The following SGCZ variants were observed in gnomAD, a reference collection of about 807,000 sequenced individuals.
The protein encoded by SGCZ is sarcoglycan zeta, also known as zeta-sarcoglycan.
A neutral mutation model predicts 41.3 loss-of-function variants in SGCZ; 40 were observed. The observed-to-expected ratio is 0.97, with a 90% CI of 0.75 to 1.26. The LOEUF (loss-of-function observed/expected upper bound fraction) is 1.26. Ranked by LOEUF, SGCZ falls within the 50% of genes most tolerant of loss-of-function variation. SGCZ has a pLI of 0.00. For missense variants in SGCZ, 552 were observed against 369.8 expected (o/e 1.49, Z -4.04); for synonymous variants, 206 against 137.5 (o/e 1.50, Z -3.49).
chr8:14,742,324 C>G (rs1423531117), intron 1 of SGCZ, among the ~76,000 whole-genome samples: 3 of 152,080 alleles, frequency 2.0e-5, no homozygotes, highest in Non-Finnish European at 4.4e-5. Flanking sequence ...CACACACACA[C>G]ACACCTCAGC....
intron 1 of SGCZ, among the ~76,000 whole-genome samples, chr8:14,889,917 G>T (rs1804948348): frequency 6.6e-6 from 1 of 152,100 alleles, no homozygotes; most frequent in Admixed American, 6.6e-5. Context: ...AGCTAGAAAT[G>T]ATTAAGCCTT....
At chr8:14,906,689 G>A (rs969905131) in intron 1 of SGCZ, among the ~76,000 whole-genome samples, 4 of 152,102 alleles carry the variant, frequency 2.6e-5, no homozygotes, top group African/African-American at 7.2e-5. Flanking sequence ...GGATTTACAA[G>A]AATGAAGATC....
At chr8:14,172,119 A>C (rs896579351) in intron 4 of SGCZ, among the ~76,000 whole-genome samples, 18 of 152,172 alleles carry the variant, frequency 1.2e-4, no homozygotes, top group African/African-American at 3.9e-4. Flanking sequence ...ATTTGCATTA[A>C]AGCTCTTATA....
intron 1 of SGCZ, among the ~76,000 whole-genome samples, chr8:14,602,225 C>T (rs978139297): frequency 2.6e-5 from 4 of 152,124 alleles, no homozygotes; most frequent in African/African-American, 7.2e-5. Flanking sequence ...CTAGGTCATA[C>T]AGCTGGGGTT....
At chr8:14,596,669 T>G (rs1040549494) in intron 1 of SGCZ, among the ~76,000 whole-genome samples, 64 of 152,228 alleles carry the variant, frequency 4.2e-4, no homozygotes, top group African/African-American at 1.4e-3. Flanking sequence ...CCAGGGTCTC[T>G]CACGGGGTGG....
intron 1 of SGCZ, among the ~76,000 whole-genome samples, chr8:15,135,470 CAA>C (rs1476403557): frequency 6.6e-6 from 1 of 152,140 alleles, no homozygotes; most frequent in African/African-American, 2.4e-5. Context: ...GTCACCTTGT[CAA>C]AAAGACTCGG....
intron 1 of SGCZ, among the ~76,000 whole-genome samples, chr8:14,665,856 A>G (rs1163744719): frequency 6.6e-6 from 1 of 152,204 alleles, no homozygotes; most frequent in Non-Finnish European, 1.5e-5. Flanking sequence ...AAATTCAAAA[A>G]TGACTATTAA....
intron 1 of SGCZ, among the ~76,000 whole-genome samples, chr8:14,681,576 T>C (rs1180242077): frequency 6.6e-6 from 1 of 152,208 alleles, no homozygotes; most frequent in East Asian, 1.9e-4. Context: ...AAGCTAAAGT[T>C]ATGATGGTCT....
intron 4 of SGCZ, among the ~76,000 whole-genome samples, chr8:14,208,743 A>G (rs1805699877): frequency 6.6e-6 from 1 of 152,200 alleles, no homozygotes; most frequent in Non-Finnish European, 1.5e-5. Flanking sequence ...TGACTTAATA[A>G]TTAAGTGGTA....
intron 3 of SGCZ, among the ~76,000 whole-genome samples, chr8:14,290,764 T>G (rs1800812732): frequency 6.6e-6 from 1 of 152,036 alleles, no homozygotes; most frequent in Non-Finnish European, 1.5e-5. Flanking sequence ...GTACAATTCT[T>G]TTGAAAAACA....
chr8:14,671,455 C>A (rs980913759), intron 1 of SGCZ, among the ~76,000 whole-genome samples: 2 of 152,024 alleles, frequency 1.3e-5, no homozygotes, highest in Non-Finnish European at 2.9e-5. Flanking sequence ...TTCAATGCTG[C>A]CTATTTTAAT....
intron 1 of SGCZ, among the ~76,000 whole-genome samples, chr8:14,782,683 G>GA (rs869097326): frequency 1.3e-5 from 2 of 151,842 alleles, no homozygotes; most frequent in African/African-American, 2.4e-5. Context: ...GATGGTTATA[G>GA]AAAAAAAATT....
At chr8:14,537,929 T>C (rs541813485) in intron 2 of SGCZ, among the ~76,000 whole-genome samples, 3 of 152,056 alleles carry the variant, frequency 2.0e-5, no homozygotes, top group African/African-American at 7.2e-5. Flanking sequence ...GGTACAACTC[T>C]TTCGTTTGCT....
chr8:15,040,308 A>G (rs1214593783), intron 1 of SGCZ, among the ~76,000 whole-genome samples: 1 of 152,170 alleles, frequency 6.6e-6, no homozygotes, highest in Non-Finnish European at 1.5e-5. Flanking sequence ...TAAATGTCCT[A>G]TGGTCTTTTT....
chr8:14,712,180 T>C (rs1809541080), intron 1 of SGCZ, among the ~76,000 whole-genome samples: 2 of 152,138 alleles, frequency 1.3e-5, no homozygotes. Context: ...AAGACTAGCA[T>C]TTCACTTTAA....
intron 1 of SGCZ, among the ~76,000 whole-genome samples, chr8:15,124,773 G>A (rs377083286): frequency 1.1e-4 from 17 of 152,134 alleles, no homozygotes; most frequent in East Asian, 5.8e-4. Flanking sequence ...ATCAAACAAC[G>A]TGATTGCATT....
At chr8:14,837,190 A>C (rs905025617) in intron 1 of SGCZ, among the ~76,000 whole-genome samples, 1 of 152,142 alleles carries the variant, frequency 6.6e-6, no homozygotes, top group Non-Finnish European at 1.5e-5. Flanking sequence ...ATAAGCAGTA[A>C]ATATGTGCAC....
intron 2 of SGCZ, among the ~76,000 whole-genome samples, chr8:14,451,563 A>G (rs1800593805): frequency 6.6e-6 from 1 of 152,184 alleles, no homozygotes; most frequent in East Asian, 1.9e-4. Context: ...CAAGCCACAA[A>G]CTGGGAGAAA....
chr8:14,400,134 T>C (rs7813981), intron 2 of SGCZ, among the ~76,000 whole-genome samples: 12,636 of 152,128 alleles, frequency 0.083, 660 homozygotes, highest in Admixed American at 0.13. Context: ...CTTTTGTGAG[T>C]AGCTTCTTTC....
Sources: allele counts gnomAD v4.1 joint callset (sites outside exome capture counted in the v4.1 genomes callset), GRCh38; gene constraint gnomAD v4.1.1; transcripts MANE v1.5; gene names NCBI Gene and HGNC (gene_info 2026-07-23, HGNC 2026-07-21).